Variants in PCDH11X observed in about 807,000 individuals in gnomAD.
PCDH11X encodes protocadherin-11 X-linked.
Under a neutral mutation model 53.3 loss-of-function variants are expected in PCDH11X, and 18 were observed. The ratio of observed to expected loss-of-function variants is 0.34; its 90% confidence interval spans 0.23 to 0.50. PCDH11X has a LOEUF of 0.50. Ranked by LOEUF, PCDH11X falls within the 20% of genes least tolerant of loss-of-function variation. The pLI is 0.98. For missense variants in PCDH11X, 570 were observed against 1,032.4 expected (o/e 0.55, Z 6.14); for synonymous variants, 279 against 393.3 (o/e 0.71, Z 3.44).
chrX:92,452,469 A>G lies in PCDH11X; in HGVS notation c.3344-15830A>G, dbSNP rs1325465205. The stretch of plus-strand genomic sequence containing the variant: ...AATATAGATGTGTGTGTGTGTATAT[A>G]TATATATATATATATATATATATAT... On this transcript the variant is annotated intron_variant, in intron 9 of 10. Transcript: ENST00000682573. Among the ~76,000 whole-genome samples the G allele has an allele frequency of 5.2e-3, 208 of 40,282 alleles. 3 individuals are homozygous for G. Among genetic ancestry groups the G allele is most frequent in the African/African-American group, 0.037 (182 of 4,958 alleles). 35.0% of individuals were successfully genotyped at this position (40,282 alleles called of 115,157 possible). A position where few individuals can be genotyped will look rare whatever the true frequency, so the allele number is the denominator to read the frequency against.
intron 6 of PCDH11X, among the ~76,000 whole-genome samples, chrX:91,910,513 C>T (rs954287924): frequency 9.0e-6 from 1 of 111,107 alleles, no homozygotes; most frequent in African/African-American, 3.3e-5. Flanking sequence ...CCATTTTCTC[C>T]AGCTTCAGAT....
intron 7 of PCDH11X, among the ~76,000 whole-genome samples, chrX:92,254,905 G>C (rs2067536389): frequency 9.7e-6 from 1 of 102,820 alleles, no homozygotes; most frequent in Admixed American, 1.1e-4. Flanking sequence ...TGGTGAATCT[G>C]ACAATTATGT....
intron 7 of PCDH11X, among the ~76,000 whole-genome samples, chrX:92,206,468 A>G (rs1485246095): frequency 8.9e-6 from 1 of 111,893 alleles, no homozygotes; most frequent in Non-Finnish European, 1.9e-5. Flanking sequence ...TCAACAATTT[A>G]GATGCCAATT....
At chrX:92,429,279 T>C (rs1022770886) in intron 9 of PCDH11X, among the ~76,000 whole-genome samples, 4 of 109,987 alleles carry the variant, frequency 3.6e-5, no homozygotes, top group African/African-American at 1.3e-4. Flanking sequence ...CAAATTACAG[T>C]TGTTATGCTC....
chrX:92,016,250 G>A (rs1165909410), intron 6 of PCDH11X, among the ~76,000 whole-genome samples: 1 of 110,248 alleles, frequency 9.1e-6, no homozygotes, highest in Non-Finnish European at 1.9e-5. Flanking sequence ...TCATCCTTAA[G>A]GGCCCTAGCA....
In PCDH11X at chrX:91,980,972, T is replaced by TAC. The variant is rs1555979047; in HGVS notation, c.3033+101702_3033+101703dup. On this transcript the variant is annotated intron_variant, in intron 6 of 10. Coordinates refer to ENST00000682573, the MANE Select transcript of PCDH11X (RefSeq NM_032968.5). Reference sequence around the variant, plus strand: ...TTATATATGTATATATATATATATATACACTGAATATATATATATATATAC... The same window carrying TAC: ...TTATATATGTATATATATATATATATACACACTGAATATATATATATATATAC... Among the ~76,000 whole-genome samples the TAC allele has an allele frequency of 2.8e-3, 245 of 87,436 alleles. 1 individual carries two copies. Among genetic ancestry groups the TAC allele is most frequent in the African/African-American group, 0.011 (238 of 21,855 alleles). The allele number at this position is 87,436 out of a possible 115,157, so 75.9% of individuals were successfully genotyped here. A position where few individuals can be genotyped will look rare whatever the true frequency, so the allele number is the denominator to read the frequency against.
intron 1 of PCDH11X, among the ~76,000 whole-genome samples, chrX:91,801,201 G>C (rs1405807622): frequency 3.0e-5 from 3 of 99,798 alleles, no homozygotes; most frequent in African/African-American, 1.1e-4. Flanking sequence ...AAAAAAAAGA[G>C]TTTATTATCC....
chrX:91,992,511 G>A (rs757974080), intron 6 of PCDH11X, among the ~76,000 whole-genome samples: 4 of 92,865 alleles, frequency 4.3e-5, no homozygotes, highest in South Asian at 5.7e-4. Context: ...CCTTGATAAC[G>A]TCCTGGTCTT....
intron 7 of PCDH11X, among the ~76,000 whole-genome samples, chrX:92,254,474 C>T (rs949026456): frequency 8.4e-5 from 9 of 107,524 alleles, no homozygotes; most frequent in African/African-American, 1.0e-4. Flanking sequence ...TGAATTTGAT[C>T]CTGTCATTAT....
chrX:92,170,682 T>G (rs2065808898), intron 6 of PCDH11X, among the ~76,000 whole-genome samples: 1 of 109,205 alleles, frequency 9.2e-6, no homozygotes. Flanking sequence ...ACTGCAACCT[T>G]AAACTCCTGG....
At chrX:92,144,492 C>T (rs574513305) in intron 6 of PCDH11X, among the ~76,000 whole-genome samples, 1 of 111,315 alleles carries the variant, frequency 9.0e-6, no homozygotes, top group South Asian at 3.7e-4. Flanking sequence ...TCCGCTTTTG[C>T]TTCTTCCTCA....
At chrX:92,127,356 A>G (rs1382178673) in intron 6 of PCDH11X, among the ~76,000 whole-genome samples, 2 of 109,517 alleles carry the variant, frequency 1.8e-5, no homozygotes, top group Non-Finnish European at 3.8e-5. Flanking sequence ...TATTCCCTCC[A>G]CTGTTAAATT....
At chrX:92,331,333 C>CTTCTTCTTCTTCTTCTTCTT (rs1300857539) in intron 8 of PCDH11X, among the ~76,000 whole-genome samples, 4 of 84,930 alleles carry the variant, frequency 4.7e-5, no homozygotes, top group South Asian at 6.9e-4. Context: ...TCTTCTTCTT[C>CTTCTTCTTCTTCTTCTTCTT]CTTCCTTCCT....
chrX:92,257,641 A>C (rs2067623494), intron 7 of PCDH11X, among the ~76,000 whole-genome samples: 1 of 112,655 alleles, frequency 8.9e-6, no homozygotes, highest in Non-Finnish European at 1.9e-5. Context: ...GACCCCATGC[A>C]AGTCCCAAAT....
intron 4 of PCDH11X, among the ~76,000 whole-genome samples, chrX:91,814,459 G>GA (rs763776452): frequency 9.4e-6 from 1 of 106,945 alleles, no homozygotes; most frequent in South Asian, 4.1e-4. Context: ...TAAATTACAT[G>GA]AAAAAAAATT....
intron 7 of PCDH11X, among the ~76,000 whole-genome samples, chrX:92,229,325 T>C (rs1569432095): frequency 9.0e-6 from 1 of 111,214 alleles, no homozygotes; most frequent in Non-Finnish European, 1.9e-5. Flanking sequence ...AAGGACAACA[T>C]GCAGTAGTCA....
At chrX:92,547,433 C>T (rs2074874552) in intron 10 of PCDH11X, among the ~76,000 whole-genome samples, 1 of 109,300 alleles carries the variant, frequency 9.1e-6, no homozygotes, top group Non-Finnish European at 1.9e-5. Flanking sequence ...TTCTACTTCT[C>T]ACCTGGAGTT....
chrX:92,423,060 C>T (rs2072014418), intron 9 of PCDH11X, among the ~76,000 whole-genome samples: 1 of 102,931 alleles, frequency 9.7e-6, no homozygotes, highest in African/African-American at 3.4e-5. Context: ...CCATGTTAGC[C>T]AGGATGGTCT....
At chrX:92,049,272 A>C (rs367674189) in intron 6 of PCDH11X, among the ~76,000 whole-genome samples, 2 of 111,705 alleles carry the variant, frequency 1.8e-5, no homozygotes, top group African/African-American at 3.3e-5. Flanking sequence ...AAGGTATGCA[A>C]GGAAATATAT....
Sources: allele counts gnomAD v4.1 joint callset (sites outside exome capture counted in the v4.1 genomes callset), GRCh38; gene constraint gnomAD v4.1.1; transcripts MANE v1.5; gene names NCBI Gene and HGNC (gene_info 2026-07-23, HGNC 2026-07-21).